PAIP1: variants seen among roughly 807,000 people sequenced by gnomAD.
PAIP1 encodes the protein polyadenylate-binding protein-interacting protein 1.
In PAIP1, 16 loss-of-function variants were observed where a neutral mutation model predicts 61.3. That is an observed-to-expected ratio of 0.26 (90% CI 0.18 to 0.40). The LOEUF is 0.40. Among genes scored for constraint, PAIP1 ranks in the 10% least tolerant of loss-of-function variants. PAIP1 has a pLI of 1.00. For missense variants in PAIP1, 416 were observed against 600.9 expected, an observed-to-expected ratio of 0.69 and a Z score of 3.22; for synonymous variants, 187 against 226.2, an observed-to-expected ratio of 0.83 and a Z score of 1.56.
intron 8 of PAIP1, among the ~76,000 whole-genome samples, chr5:43,534,419 G>C (rs1000061555): frequency 6.6e-6 from 1 of 152,190 alleles, no homozygotes; most frequent in African/African-American, 2.4e-5. Context: ...GGCTGGTCTT[G>C]AACTCCTGAC....
intron 4 of PAIP1, among the ~76,000 whole-genome samples, chr5:43,540,647 T>C (rs556540700): frequency 1.3e-5 from 2 of 152,240 alleles, no homozygotes; most frequent in Non-Finnish European, 1.5e-5. Flanking sequence ...AAAGTATGTA[T>C]ATATTTTTTA....
At chr5:43,549,639 T>G (rs1463811986) in intron 2 of PAIP1, among the ~76,000 whole-genome samples, 4 of 152,314 alleles carry the variant, frequency 2.6e-5, no homozygotes, top group South Asian at 2.1e-4. Flanking sequence ...GTCAGCAGCA[T>G]GAAAATGGAC....
intron 3 of PAIP1, among the ~76,000 whole-genome samples, chr5:43,547,000 GC>G (rs1747661549): frequency 8.7e-6 from 1 of 114,430 alleles, no homozygotes; most frequent in Admixed American, 1.3e-4. Context: ...CTGAGACTGC[GC>G]CACTGCACTC....
At chr5:43,534,686 C>A (rs1747074516) in intron 8 of PAIP1, among the ~76,000 whole-genome samples, 167 bp downstream of exon 8, 1 of 152,130 alleles carries the variant, frequency 6.6e-6, no homozygotes, top group Non-Finnish European at 1.5e-5. Flanking sequence ...CTGGAGAATT[C>A]CAGGTCTCTT....
intron 3 of PAIP1, among the ~76,000 whole-genome samples, chr5:43,544,295 G>A (rs1747545728): frequency 2.0e-5 from 3 of 150,594 alleles, no homozygotes; most frequent in African/African-American, 7.4e-5. Context: ...TTATTTCCTT[G>A]CTCACATGGG....
At chr5:43,542,086 G>T (rs1184843137) in intron 4 of PAIP1, among the ~76,000 whole-genome samples, 1 of 150,048 alleles carries the variant, frequency 6.7e-6, no homozygotes, top group African/African-American at 2.5e-5. Context: ...TGAGGCACGA[G>T]AATCGCTTGA....
chr5:43,555,915 T>G lies in PAIP1; in HGVS notation c.350A>C (p.Gln117Pro). The change falls in exon 2 of 11, where the codon CAG becomes CCG. Residue 117 changes from glutamine to proline, a missense_variant. Physicochemically the swap from Gln to Pro is moderately conservative, Grantham distance 76. Coordinates refer to ENST00000306846, the MANE Select transcript of PAIP1 (RefSeq NM_006451.5). ...QNSESAMAKP[Q>P]VVVAPVLMSK... ...CATTAATACAGGAGCTACAACCACC[T>G]GGGGCTTAGCCATTGCTGACTCCGA... 1 of 1,613,914 alleles carries G rather than the reference T, an allele frequency of 6.2e-7. No individual in the cohort carries two copies. The highest frequency in any genetic ancestry group is 8.5e-7 in the Non-Finnish European group (1 of 1,179,808).
chr5:43,539,050 A>G lies in PAIP1; in HGVS notation c.735-15T>C, dbSNP rs146735312. ...CAGTCCGACATCTAATTAAAGACAT[A>G]TCTTTTATAATCTCACATTGCTTTG... On this transcript the variant is annotated splice_polypyrimidine_tract_variant and intron_variant, in intron 4 of 10. Transcript: ENST00000306846. 4,054 of 1,423,716 alleles carry G rather than the reference A, an allele frequency of 2.8e-3. 12 individuals are homozygous for G. Among genetic ancestry groups the G allele is most frequent in the South Asian group, 9.9e-3 (856 of 86,494 alleles). The allele number at this position is 1,423,716 out of a possible 1,614,324, so 88.2% of individuals were successfully genotyped here.
chr5:43,531,973 T>C (rs1262526164), intron 9 of PAIP1, among the ~76,000 whole-genome samples: 1 of 152,124 alleles, frequency 6.6e-6, no homozygotes, highest in Non-Finnish European at 1.5e-5. Context: ...AAGGTCAAGA[T>C]TATTTGAACA....
At chr5:43,534,372 T>C (rs1041126481) in intron 8 of PAIP1, among the ~76,000 whole-genome samples, 2 of 152,192 alleles carry the variant, frequency 1.3e-5, no homozygotes, top group African/African-American at 2.4e-5. Context: ...GCTGACTTTG[T>C]AGTTTTAGTA....
intron 2 of PAIP1, among the ~76,000 whole-genome samples, chr5:43,551,227 C>T (rs778838230): frequency 3.9e-5 from 6 of 152,002 alleles, no homozygotes; most frequent in Non-Finnish European, 5.9e-5. Context: ...AAGAACTGAG[C>T]GCAGAACAAA....
intron 4 of PAIP1, 53 bp from the exon 5 acceptor site, chr5:43,539,088 TCAAA>T (rs1038384596): frequency 9.6e-6 from 11 of 1,143,824 alleles, no homozygotes; most frequent in Admixed American, 6.8e-5. Flanking sequence ...TTTTAAATAG[TCAAA>T]CAAAATAACC....
At chr5:43,555,700 C>CA (rs1389456352) in intron 2 of PAIP1, 130 bp downstream of exon 2, 1 of 628,778 alleles carries the variant, frequency 1.6e-6, no homozygotes, top group African/African-American at 1.9e-5. Flanking sequence ...TTCAATAATT[C>CA]AAAACATTCA....
At chr5:43,539,427 T>C (rs1377657836) in intron 4 of PAIP1, among the ~76,000 whole-genome samples, 3 of 149,878 alleles carry the variant, frequency 2.0e-5, no homozygotes, top group Non-Finnish European at 4.4e-5. Flanking sequence ...TTTTTAATAC[T>C]ACAACTTTGA....
intron 2 of PAIP1, among the ~76,000 whole-genome samples, chr5:43,552,071 T>C (rs868752467): frequency 9.2e-5 from 14 of 152,270 alleles, no homozygotes; most frequent in Middle Eastern, 3.4e-3. Context: ...TTGGGAGAAA[T>C]AGAAAATGTA....
At chr5:43,537,698 TA>T (rs1051722438) in intron 5 of PAIP1, among the ~76,000 whole-genome samples, 1 of 151,996 alleles carries the variant, frequency 6.6e-6, no homozygotes, top group African/African-American at 2.4e-5. Flanking sequence ...TTCACTAATT[TA>T]AAAAATCAAG....
At chr5:43,549,492 T>C (rs553160217) in intron 2 of PAIP1, among the ~76,000 whole-genome samples, 1 of 152,212 alleles carries the variant, frequency 6.6e-6, no homozygotes, top group East Asian at 1.9e-4. Context: ...CGCTTTTGCT[T>C]CTTCCTCATT....
chr5:43,539,487 A>AC (rs763285827), intron 4 of PAIP1, among the ~76,000 whole-genome samples: 3 of 140,928 alleles, frequency 2.1e-5, no homozygotes, highest in African/African-American at 7.9e-5. Context: ...ACACACACAC[A>AC]ACCTCCAACT....
intron 6 of PAIP1, 25 bp from the exon 7 acceptor site, chr5:43,535,665 T>C (rs530608275): frequency 1.6e-6 from 2 of 1,252,560 alleles, no homozygotes; most frequent in South Asian, 2.4e-5. Flanking sequence ...GTCAGTAAAA[T>C]AAGAAATTCA....
Sources: allele counts gnomAD v4.1 joint callset (sites outside exome capture counted in the v4.1 genomes callset), GRCh38; gene constraint gnomAD v4.1.1; transcripts MANE v1.5; gene names NCBI Gene and HGNC (gene_info 2026-07-23, HGNC 2026-07-21).